The following SYT14 variants were observed in gnomAD, a reference collection of about 807,000 sequenced individuals.
SYT14 encodes the protein synaptotagmin 14.
Under a neutral mutation model 74.2 loss-of-function variants are expected in SYT14, and 32 were observed. That is an observed-to-expected ratio of 0.43 (90% confidence interval 0.33 to 0.58). The LOEUF is 0.58. SYT14 is among the 20% of genes least tolerant of loss of function. The probability of loss-of-function intolerance (pLI) is 0.05; values close to 1 mark genes in which losing one functional copy is unlikely to be tolerated. For synonymous variants in SYT14, 298 were observed against 337.7 expected, an observed-to-expected ratio of 0.88 and a Z score of 1.29; for missense variants, 791 against 981.8, an observed-to-expected ratio of 0.81 and a Z score of 2.60.
At chr1:210,007,472 A>G (rs1156902012) in intron 2 of SYT14, among the ~76,000 whole-genome samples, 3 of 152,144 alleles carry the variant, frequency 2.0e-5, no homozygotes, top group East Asian at 3.9e-4. Flanking sequence ...ATAAGGAAGT[A>G]CCACATATTT....
At chr1:210,117,048 C>T (rs918013976) in intron 7 of SYT14, among the ~76,000 whole-genome samples, 1 of 152,118 alleles carries the variant, frequency 6.6e-6, no homozygotes, top group Admixed American at 6.5e-5. Flanking sequence ...TAATTAGGGA[C>T]ATATGTGTGT....
At chr1:210,069,366 A>G (rs2081353220) in intron 5 of SYT14, among the ~76,000 whole-genome samples, 1 of 151,900 alleles carries the variant, frequency 6.6e-6, no homozygotes, top group Non-Finnish European at 1.5e-5. Flanking sequence ...TCAGTAGGAG[A>G]GATATGTAAT....
At chr1:209,962,768 A>G (rs1302343777) in intron 2 of SYT14, among the ~76,000 whole-genome samples, 3 of 152,146 alleles carry the variant, frequency 2.0e-5, no homozygotes, top group Non-Finnish European at 2.9e-5. Context: ...ATAGGAGTAC[A>G]AGAATCTAGA....
At chr1:209,989,426 A>G (rs2079627051) in intron 2 of SYT14, among the ~76,000 whole-genome samples, 1 of 152,194 alleles carries the variant, frequency 6.6e-6, no homozygotes, top group African/African-American at 2.4e-5. Context: ...AGTAAAAACA[A>G]AATTTATTAA....
chr1:209,967,807 TTTCTG>T (rs759004372), intron 2 of SYT14, among the ~76,000 whole-genome samples: 32 of 152,188 alleles, frequency 2.1e-4, no homozygotes, highest in Non-Finnish European at 4.4e-4. Context: ...AGTTAATTGA[TTTCTG>T]TTCTGATCTT....
chr1:210,078,505 G>T (rs533532690), intron 5 of SYT14, among the ~76,000 whole-genome samples: 8 of 151,922 alleles, frequency 5.3e-5, no homozygotes, highest in African/African-American at 1.9e-4. Context: ...ATAAAATATG[G>T]TTATTGCACA....
intron 6 of SYT14, among the ~76,000 whole-genome samples, chr1:210,099,570 G>A (rs1470685839): frequency 6.6e-6 from 1 of 152,004 alleles, no homozygotes; most frequent in Non-Finnish European, 1.5e-5. Flanking sequence ...TCTGAAAACG[G>A]AACCAAATTT....
intron 2 of SYT14, among the ~76,000 whole-genome samples, chr1:209,961,725 A>T (rs992949366): frequency 6.6e-6 from 1 of 151,928 alleles, no homozygotes; most frequent in African/African-American, 2.4e-5. Context: ...GATGAATCAG[A>T]TGTATTTTTT....
At chr1:209,942,955 A>C (rs73066422) in intron 1 of SYT14, among the ~76,000 whole-genome samples, 19,498 of 152,104 alleles carry the variant, frequency 0.13, 3,878 homozygotes, top group African/African-American at 0.43. Context: ...ACTTCTATTA[A>C]TAATGTACCT....
intron 1 of SYT14, among the ~76,000 whole-genome samples, chr1:209,940,715 A>G (rs1434725950): frequency 2.0e-5 from 3 of 152,130 alleles, no homozygotes; most frequent in Non-Finnish European, 4.4e-5. Context: ...TATTCTCTCT[A>G]TATATGATAT....
chr1:210,021,368 A>C, intron 5 of SYT14, 114 bp downstream of exon 4: 2 of 985,534 alleles, frequency 2.0e-6, no homozygotes, highest in African/African-American at 1.6e-5. Context: ...CATACAGTAC[A>C]GTCACATTTC....
At chr1:209,965,626 A>C (rs1473030161) in intron 2 of SYT14, among the ~76,000 whole-genome samples, 1 of 152,190 alleles carries the variant, frequency 6.6e-6, no homozygotes, top group Non-Finnish European at 1.5e-5. Context: ...TTCTTTGAGA[A>C]ATCTCCAGAC....
intron 5 of SYT14, among the ~76,000 whole-genome samples, chr1:210,075,515 A>G (rs1055847134): frequency 6.6e-6 from 1 of 151,826 alleles, no homozygotes; most frequent in Non-Finnish European, 1.5e-5. Flanking sequence ...TTGTATTTTT[A>G]GTAGAGACGG....
chr1:210,100,972 C>T (rs1395372261), intron 7 of SYT14, among the ~76,000 whole-genome samples: 3 of 152,156 alleles, frequency 2.0e-5, no homozygotes, highest in Admixed American at 6.5e-5. Context: ...AATCTGGCCT[C>T]ATTAGACTTT....
intron 6 of SYT14, among the ~76,000 whole-genome samples, chr1:210,096,824 A>G (rs527878854): frequency 1.3e-5 from 2 of 152,344 alleles, no homozygotes; most frequent in Admixed American, 6.5e-5. Flanking sequence ...CCCTTTCTAT[A>G]GGTAACACTC....
intron 5 of SYT14, among the ~76,000 whole-genome samples, chr1:210,075,100 C>T (rs975513610): frequency 6.6e-6 from 1 of 152,170 alleles, no homozygotes; most frequent in Non-Finnish European, 1.5e-5. Flanking sequence ...TCCGACCGCT[C>T]AGCGGCCCGG....
At chr1:210,007,281 C>T (rs1435501061) in intron 2 of SYT14, among the ~76,000 whole-genome samples, 1 of 151,742 alleles carries the variant, frequency 6.6e-6, no homozygotes, top group Non-Finnish European at 1.5e-5. Flanking sequence ...GATATTGTAC[C>T]TAGTGCCCCT....
intron 2 of SYT14, among the ~76,000 whole-genome samples, chr1:209,978,006 G>T (rs570408575): frequency 6.6e-6 from 1 of 152,210 alleles, no homozygotes; most frequent in Non-Finnish European, 1.5e-5. Flanking sequence ...ATCAGCTCTT[G>T]AGTCTTGTGC....
At position 210,078,093 on chromosome 1, in the gene SYT14, G is replaced by A. The variant is rs900123906; in HGVS notation, c.1313-16229G>A. 7.9e-5 allele frequency among the ~76,000 whole-genome samples: 12 copies of A among 151,998 alleles called. No individual in the cohort carries two copies. The East Asian group carries it at 1.9e-3, about 25-fold the overall frequency. On this transcript the variant is annotated intron_variant, in intron 5 of 9. Coordinates refer to ENST00000637265, the Ensembl canonical transcript of SYT14. ...TGGGAGGCCGAGGCGGGCGGATCAC[G>A]AGGTCAAGAGATCGAGACCATCCTG... is the stretch of plus-strand genomic sequence containing the variant.
Sources: gnomAD v4.1 joint callset for allele counts (sites outside exome capture counted in the v4.1 genomes callset) on GRCh38, gnomAD v4.1.1 for gene constraint, MANE v1.5 for transcripts, NCBI Gene and HGNC (gene_info 2026-07-23, HGNC 2026-07-21) for gene names.